The following ANKRD35 variants were observed in gnomAD, a reference collection of about 807,000 sequenced individuals.
The protein encoded by ANKRD35 is ankyrin repeat domain-containing protein 35.
In ANKRD35, 102 loss-of-function variants were observed where a neutral mutation model predicts 109.9. The observed-to-expected ratio is 0.93, with a 90% CI of 0.79 to 1.09. The LOEUF (loss-of-function observed/expected upper bound fraction) is 1.09. Ranked by LOEUF, ANKRD35 falls within the 50% of genes least tolerant of loss-of-function variation. ANKRD35 has a pLI of 0.00. For missense variants in ANKRD35, 1,240 were observed against 1,230.1 expected, an observed-to-expected ratio of 1.01 and a Z score of -0.12; for synonymous variants, 515 against 512.4, an observed-to-expected ratio of 1.01 and a Z score of -0.07.
In ANKRD35 at chr1:145,877,962, T is replaced by C. The variant is rs1553740436; in HGVS notation, c.324+6A>G. Reference sequence around the variant, plus strand: ...CATAAGAGTGGTATCAAGGGACTGCTCTTACCTGAAGCAGAACCTTAACAC... The same window carrying C: ...CATAAGAGTGGTATCAAGGGACTGCCCTTACCTGAAGCAGAACCTTAACAC... On this transcript the variant is annotated splice_donor_region_variant and intron_variant, in intron 4 of 13. Transcript: ENST00000355594. 1 of 1,613,722 alleles carries C rather than the reference T, an allele frequency of 6.2e-7. No individual in the cohort carries two copies. Among genetic ancestry groups the C allele is most frequent in the African/African-American group, 1.3e-5 (1 of 74,890 alleles).
intron 10 of ANKRD35, among the ~76,000 whole-genome samples, chr1:145,870,184 G>A (rs114939814): frequency 0.019 from 2,880 of 149,536 alleles, 46 homozygotes; most frequent in Non-Finnish European, 0.029. Context: ...TCCACGTCCC[G>A]GGCTCACACC....
rs782285104 is a variant in ANKRD35 at position 145,872,347 on chromosome 1, C to G, written c.2422G>C (p.Gly808Arg). ...ATMSGKSQEIGKLKQLLYQAT... is the reference protein window; with the variant it reads ...ATMSGKSQEIRKLKQLLYQAT... Reference sequence around the variant, plus strand: ...TGGTAGAGCAGCTGCTTCAGCTTTCCGATCTCCTGGCTCTTCCCGCTCATC... The same window carrying G: ...TGGTAGAGCAGCTGCTTCAGCTTTCGGATCTCCTGGCTCTTCCCGCTCATC... Residue 808 changes from glycine to arginine, a missense_variant, in exon 10 of 14, where the codon GGA (glycine) becomes CGA (arginine). Transcript: ENST00000355594. 38 of 1,612,762 alleles carry G rather than the reference C, an allele frequency of 2.4e-5. No individual in the cohort carries two copies. In the South Asian group the frequency reaches 3.4e-4, roughly 14 times the overall value.
At position 145,872,977 on chromosome 1, in the gene ANKRD35, C is replaced by A. The variant is rs587603498; in HGVS notation, c.1792G>T (p.Ala598Ser). 7 of 1,610,290 alleles carry A rather than the reference C, an allele frequency of 4.3e-6. No homozygotes were observed. The East Asian group carries it at 1.6e-4, about 36-fold the overall frequency. The part of the protein sequence containing the change: ...VPGAQGEPLG[A>S]LGGEKALGGL... ...CCTAGGGCCTTTTCCCCTCCAAGGG[C>A]CCCTAGAGGCTCTCCTTGAGCCCCA... The change falls in exon 10 of 14, where the codon GCC becomes TCC. Residue 598 changes from alanine (A) to serine (S), a missense_variant. By Grantham distance (99) the Ala-to-Ser change is moderately conservative (BLOSUM62 1). Coordinates refer to ENST00000355594, the MANE Select transcript of ANKRD35 (RefSeq NM_144698.5).
At chr1:145,874,293 C>G (rs1653977723) in intron 8 of ANKRD35, 101 bp from the exon 9 acceptor site, 2 of 1,290,314 alleles carry the variant, frequency 1.6e-6, no homozygotes, top group African/African-American at 1.5e-5. Context: ...AGTGGCCTCT[C>G]TGTGATCAAT....
intron 8 of ANKRD35, among the ~76,000 whole-genome samples, chr1:145,874,506 G>A (rs1411796434): frequency 2.0e-5 from 3 of 152,128 alleles, no homozygotes; most frequent in Non-Finnish European, 4.4e-5. Flanking sequence ...TCACCTAAGG[G>A]GGTTACAATC....
chr1:145,876,462 G>A (rs1654078835), intron 6 of ANKRD35, 107 bp downstream of exon 6: 38 of 1,323,114 alleles, frequency 2.9e-5, no homozygotes, highest in Non-Finnish European at 4.1e-5. Flanking sequence ...AGGAAGAGAA[G>A]GGTGGTGCTA....
chr1:145,872,104 C>G lies in ANKRD35; in HGVS notation c.2665G>C (p.Ala889Pro), dbSNP rs781942027. ...TCGCTGGCCTGGCGCTCTTGTTCGG[C>G]TGCCTGAGCGGCCAGGTCCCCGCTC... ...RRSGDLAAQA[A>P]EQERQASEMR... Residue 889 changes from alanine to proline, a missense_variant, in exon 10 of 14, where the codon GCC becomes CCC. By Grantham distance (27) the Ala-to-Pro change is conservative (BLOSUM62 -1). Coordinates refer to ENST00000355594, the MANE Select transcript of ANKRD35 (RefSeq NM_144698.5). 23 of 1,612,776 alleles carry G rather than the reference C, an allele frequency of 1.4e-5. No individual in the cohort carries two copies. The highest frequency in any genetic ancestry group is 1.9e-5 in the Non-Finnish European group (23 of 1,179,612).
intron 9 of ANKRD35, 33 bp from the exon 10 acceptor site, chr1:145,874,018 A>C: frequency 6.2e-7 from 1 of 1,612,330 alleles, no homozygotes; most frequent in South Asian, 1.1e-5. Context: ...AAGTGTGGCC[A>C]CTAGGCAACG....
chr1:145,885,826 G>A lies in ANKRD35; in HGVS notation c.-68C>T. 8.0e-7 allele frequency: 1 copy of A among 1,251,148 alleles called. No homozygotes were observed. The highest frequency in any genetic ancestry group is 1.2e-6 in the Non-Finnish European group (1 of 854,036). The allele number at this position is 1,251,148 out of a possible 1,614,324, so 77.5% of individuals were successfully genotyped here. A position where few individuals can be genotyped will look rare whatever the true frequency, so the allele number is the denominator to read the frequency against. On this transcript the variant is annotated 5_prime_UTR_variant, in exon 1 of 14. Coordinates refer to ENST00000355594, the MANE Select transcript of ANKRD35 (RefSeq NM_144698.5). ...CGGGCCACAGGTTCCCGAACCCACC[G>A]GACTTGGCTGCGGCTGTGCAAGAGA...
intron 1 of ANKRD35, 136 bp from the exon 2 acceptor site, chr1:145,879,524 TC>T: frequency 9.4e-7 from 1 of 1,058,586 alleles, no homozygotes; most frequent in Non-Finnish European, 1.3e-6. Context: ...ACATCCTAGA[TC>T]ATTTAGTCCT....
chr1:145,867,991 C>T lies in ANKRD35; in HGVS notation c.2943G>A (p.Arg981=). Reference sequence around the variant, plus strand: ...TCCCTCAAAACTCCACCATGCTCACCCGAGCAGCATTCAGTAGATGATTCC... The same window carrying T: ...TCCCTCAAAACTCCACCATGCTCACTCGAGCAGCATTCAGTAGATGATTCC... ...TYRNHLLNAA[R]GYMEHEVYNI... The change falls in exon 12 of 14, where the codon CGG becomes CGA. Residue 981 remains arginine (R), a splice_region_variant and synonymous_variant. Transcript: ENST00000355594. The T allele has an allele frequency of 6.2e-7, 1 of 1,614,074 alleles. No homozygotes were observed. The highest frequency in any genetic ancestry group is 8.5e-7 in the Non-Finnish European group (1 of 1,179,946).
rs782639527 is a variant in ANKRD35 at position 145,873,153 on chromosome 1, G to A, written c.1616C>T (p.Ala539Val). The A allele has an allele frequency of 6.2e-7, 1 of 1,614,068 alleles. No homozygotes were observed. Among genetic ancestry groups the A allele is most frequent in the Non-Finnish European group, 8.5e-7 (1 of 1,180,012 alleles). ...CCTTGCCAGCACCCGCTCCAGTCGG[G>A]CTTCCATCTTCTCCCAGGCAGCTGC... ...AAAAAWEKME[A>V]RLERVLARLE... The change falls in exon 10 of 14, where the codon GCC becomes GTC. Residue 539 changes from alanine to valine, a missense_variant. By Grantham distance (64) the Ala-to-Val change is moderately conservative (BLOSUM62 0). Coordinates refer to ENST00000355594, the MANE Select transcript of ANKRD35 (RefSeq NM_144698.5).
intron 10 of ANKRD35, among the ~76,000 whole-genome samples, chr1:145,869,064 A>T (rs1819349): frequency 0.47 from 70,731 of 151,504 alleles, 16,865 homozygotes; most frequent in East Asian, 0.71. Context: ...GTAACCAATT[A>T]AAAAAAAAGC....
chr1:145,881,949 CTTTTTTTTT>C lies in ANKRD35; in HGVS notation c.40-2570_40-2562del, dbSNP rs782253954. Reference sequence around the variant, plus strand: ...AATATAGATACTTTTCTTTCCCCTTCTTTTTTTTTTTTTTTTTTTTTTTGAGACAGAGTC... The same window carrying C: ...AATATAGATACTTTTCTTTCCCCTTCTTTTTTTTTTTTTTGAGACAGAGTC... On this transcript the variant is annotated intron_variant, in intron 1 of 13. Transcript: ENST00000355594. Among the ~76,000 whole-genome samples, 31 of 104,646 alleles carry C rather than the reference CTTTTTTTTT, an allele frequency of 3.0e-4. No homozygotes were observed. In the South Asian group the frequency reaches 4.5e-3, roughly 15 times the overall value. The allele number at this position is 104,646 out of a possible 152,430, so 68.7% of individuals were successfully genotyped here.
chr1:145,868,285 C>A (rs1553738044), intron 11 of ANKRD35, 26 bp downstream of exon 11: 1 of 1,611,512 alleles, frequency 6.2e-7, no homozygotes, highest in East Asian at 2.2e-5. Flanking sequence ...TCTTCTCCAG[C>A]ACCATCCCTG....
Position 145,868,366 on chromosome 1 carries a change from G to A in ANKRD35, c.2822C>T (p.Ser941Leu), listed in dbSNP as rs782460967. The A allele has an allele frequency of 1.2e-6, 2 of 1,614,186 alleles. No individual in the cohort carries two copies. Among genetic ancestry groups the A allele is most frequent in the South Asian group, 1.1e-5 (1 of 91,082 alleles). ...TCCCCGAATTGCTAGAACCTCTTCT[G>A]AAAGCTGCTCCAGCTTCTTCAACAA... is the stretch of plus-strand genomic sequence containing the variant. The part of the protein sequence containing the change: ...KELLKKLEQL[S>L]EEVLAIRGEN... The change falls in exon 11 of 14, where the codon TCA (serine) becomes TTA (leucine). Residue 941 changes from serine (S) to leucine (L), a missense_variant. Ser to Leu is a moderately radical substitution (Grantham distance 145). Transcript: ENST00000355594.
chr1:145,885,697 C>T, intron 1 of ANKRD35, 23 bp downstream of exon 1: 3 of 1,613,674 alleles, frequency 1.9e-6, no homozygotes, highest in Non-Finnish European at 2.5e-6. Context: ...CAACCCCATC[C>T]TCCCACACAT....
Position 145,867,400 on chromosome 1 carries a change from T to C in ANKRD35, c.2944-8A>G. 1.2e-6 allele frequency: 2 copies of C among 1,613,322 alleles called. No individual in the cohort carries two copies. The highest frequency in any genetic ancestry group is 1.7e-6 in the Non-Finnish European group (2 of 1,179,506). On this transcript the variant is annotated splice_polypyrimidine_tract_variant and splice_region_variant and intron_variant, in intron 12 of 13. Coordinates refer to ENST00000355594, the MANE Select transcript of ANKRD35 (RefSeq NM_144698.5). ...TTCATGTTCCATGTAACCCTGTAGA[T>C]GTCAGGAAAGGAAGAAAAGGAGATG...
chr1:145,882,739 T>C (rs1164039539), intron 1 of ANKRD35, among the ~76,000 whole-genome samples: 1 of 152,150 alleles, frequency 6.6e-6, no homozygotes, highest in East Asian at 1.9e-4. Flanking sequence ...GAGAGATGCT[T>C]TCAAATGTCA....
Sources: allele counts gnomAD v4.1 joint callset (sites outside exome capture counted in the v4.1 genomes callset), GRCh38; gene constraint gnomAD v4.1.1; transcripts MANE v1.5; gene names NCBI Gene and HGNC (gene_info 2026-07-23, HGNC 2026-07-21).